SAMMSON: variants seen among roughly 807,000 people sequenced by gnomAD.
SAMMSON encodes long intergenic non-protein coding RNA 1212.
At chr3:70,319,392 T>A (rs747885484) in intron 7 of SAMMSON, among the ~76,000 whole-genome samples, 9 of 152,092 alleles carry the variant, frequency 5.9e-5, no homozygotes, top group South Asian at 4.1e-4. Flanking sequence ...AAATAGCTTC[T>A]TCATATATTT....
At chr3:70,211,774 T>C (rs1488023552) in intron 4 of SAMMSON, among the ~76,000 whole-genome samples, 1 of 148,276 alleles carries the variant, frequency 6.7e-6, no homozygotes, top group Non-Finnish European at 1.5e-5. Context: ...CTCCCTTTCC[T>C]TTCCTCTCCT....
rs1702711116 is a variant in SAMMSON at position 70,341,669 on chromosome 3, A to T, written n.740-12506A>T. Among the ~76,000 whole-genome samples, 5 of 152,172 alleles carry T rather than the reference A, an allele frequency of 3.3e-5. No homozygotes were observed. In the South Asian group the frequency reaches 1.0e-3, roughly 32 times the overall value. On this transcript the variant is annotated intron_variant and non_coding_transcript_variant, in intron 7 of 9. Transcript: ENST00000642114. ...GACTATTCCCTCCCTCTTGTCAAGA[A>T]TATAAATGTGATGCCTGGAGGTGCA...
intron 3 of SAMMSON, among the ~76,000 whole-genome samples, chr3:70,049,199 C>A (rs115631262): frequency 6.6e-6 from 1 of 152,046 alleles, no homozygotes; most frequent in South Asian, 2.1e-4. Context: ...AGTACATTGT[C>A]GGGACAAGTA....
chr3:70,136,992 T>A (rs770531033), intron 4 of SAMMSON, among the ~76,000 whole-genome samples: 27 of 152,216 alleles, frequency 1.8e-4, no homozygotes, highest in Admixed American at 1.7e-3. Flanking sequence ...TTTTATTTTA[T>A]CACAATATTA....
intron 7 of SAMMSON, among the ~76,000 whole-genome samples, chr3:70,352,776 A>G (rs911014148): frequency 6.6e-6 from 1 of 152,064 alleles, no homozygotes; most frequent in Non-Finnish European, 1.5e-5. Context: ...TTCCAAAGGA[A>G]AAAAAGGAGG....
intron 7 of SAMMSON, among the ~76,000 whole-genome samples, chr3:70,339,823 A>G (rs1702696691): frequency 6.6e-6 from 1 of 152,230 alleles, no homozygotes; most frequent in Admixed American, 6.5e-5. Context: ...AAACTAGTTC[A>G]ACCATTGTAG....
chr3:70,390,196 T>C (rs1358622549), downstream of SAMMSON, among the ~76,000 whole-genome samples: 2 of 152,160 alleles, frequency 1.3e-5, no homozygotes, highest in Admixed American at 6.6e-5. Context: ...TCATTTGTAA[T>C]ATGAATTAAA....
chr3:70,054,475 T>C (rs1221227178), intron 3 of SAMMSON, among the ~76,000 whole-genome samples: 2 of 152,110 alleles, frequency 1.3e-5, no homozygotes, highest in African/African-American at 4.8e-5. Flanking sequence ...CTGTTGACTT[T>C]GCATCCTCTC....
intron 6 of SAMMSON, among the ~76,000 whole-genome samples, chr3:70,275,444 G>T (rs1046487865): frequency 1.3e-5 from 2 of 152,158 alleles, no homozygotes; most frequent in African/African-American, 4.8e-5. Flanking sequence ...GAGCCCAGGA[G>T]GTCAAGGCTG....
intron 6 of SAMMSON, among the ~76,000 whole-genome samples, chr3:70,261,286 C>T (rs1701863880): frequency 6.6e-6 from 1 of 152,154 alleles, no homozygotes; most frequent in East Asian, 1.9e-4. Flanking sequence ...AGAGTTAGTG[C>T]AGTGTGGCTT....
At chr3:70,053,619 C>A (rs961127855) in intron 3 of SAMMSON, among the ~76,000 whole-genome samples, 1 of 152,116 alleles carries the variant, frequency 6.6e-6, no homozygotes, top group African/African-American at 2.4e-5. Flanking sequence ...TTTATGCACT[C>A]AGTTTTTCTG....
At chr3:70,434,041 C>T (rs577243324) in intron 2 of SAMMSON, among the ~76,000 whole-genome samples, 6 of 152,282 alleles carry the variant, frequency 3.9e-5, no homozygotes, top group South Asian at 2.1e-4. Flanking sequence ...TCTTGATTGA[C>T]GTAGCTTTAT....
intron 7 of SAMMSON, among the ~76,000 whole-genome samples, chr3:70,297,564 A>C (rs1459143108): frequency 2.0e-5 from 3 of 152,150 alleles, no homozygotes; most frequent in Non-Finnish European, 4.4e-5. Context: ...CCTGTGGAGC[A>C]ATATGTATAT....
intron 4 of SAMMSON, chr3:70,125,926 G>C: frequency 1.4e-6 from 1 of 732,624 alleles, no homozygotes; most frequent in Non-Finnish European, 2.4e-6. Context: ...TTCTGGCCAA[G>C]GAGGTTCCTC....
intron 4 of SAMMSON, among the ~76,000 whole-genome samples, chr3:70,198,671 T>G (rs945702987): frequency 6.6e-6 from 1 of 152,216 alleles, no homozygotes; most frequent in South Asian, 2.1e-4. Flanking sequence ...ATGACTGTTA[T>G]GACTACTTTA....
intron 3 of SAMMSON, among the ~76,000 whole-genome samples, chr3:70,044,014 A>G (rs751210246): frequency 6.6e-6 from 1 of 152,082 alleles, no homozygotes; most frequent in Non-Finnish European, 1.5e-5. Context: ...AAATATATAT[A>G]AATCTTGGCA....
At chr3:70,145,542 A>G (rs945430170) in intron 4 of SAMMSON, among the ~76,000 whole-genome samples, 2 of 152,154 alleles carry the variant, frequency 1.3e-5, no homozygotes, top group Admixed American at 6.6e-5. Context: ...CAATAAGAGA[A>G]AGATAACAGA....
intron 2 of SAMMSON, among the ~76,000 whole-genome samples, chr3:70,430,767 A>T (rs923692748): frequency 2.6e-5 from 4 of 152,292 alleles, no homozygotes; most frequent in Admixed American, 6.5e-5. Flanking sequence ...TCAACCCATC[A>T]GATTAATCAA....
chr3:70,301,468 T>C (rs2106701950), intron 7 of SAMMSON, among the ~76,000 whole-genome samples: 1 of 152,254 alleles, frequency 6.6e-6, no homozygotes, highest in Non-Finnish European at 1.5e-5. Flanking sequence ...CCCAACTGAA[T>C]TATAAGTTTC....
Sources: allele counts gnomAD v4.1 joint callset (sites outside exome capture counted in the v4.1 genomes callset), GRCh38; gene constraint gnomAD v4.1.1; transcripts MANE v1.5; gene names NCBI Gene and HGNC (gene_info 2026-07-23, HGNC 2026-07-21).